CRTC1: variants seen among roughly 807,000 people sequenced by gnomAD.
The protein encoded by CRTC1 is CREB regulated transcription coactivator 1.
In CRTC1, 18 loss-of-function variants were observed where a neutral mutation model predicts 66.1. The observed-to-expected ratio is 0.27, with a 90% CI of 0.19 to 0.40. The LOEUF (loss-of-function observed/expected upper bound fraction) is 0.40, where lower values mean the gene tolerates loss of function less well. Among genes scored for constraint, CRTC1 ranks in the 10% least tolerant of loss-of-function variants. The pLI is 1.00. For synonymous variants in CRTC1, 416 were observed against 398.8 expected (o/e 1.04, Z -0.51); for missense variants, 669 against 887.9 (o/e 0.75, Z 3.13).
chr19:18,765,103 C>G (rs1382946124), intron 8 of CRTC1, among the ~76,000 whole-genome samples: 1 of 152,166 alleles, frequency 6.6e-6, no homozygotes, highest in Non-Finnish European at 1.5e-5. Flanking sequence ...TTGGGCCAGC[C>G]TGGTTACATG....
chr19:18,739,661 A>G (rs974654860), intron 1 of CRTC1, among the ~76,000 whole-genome samples: 2 of 152,102 alleles, frequency 1.3e-5, no homozygotes, highest in African/African-American at 4.8e-5. Flanking sequence ...GGGGACTGTG[A>G]TGTGGCGATG....
chr19:18,717,974 C>T (rs1253493814), intron 1 of CRTC1, among the ~76,000 whole-genome samples: 1 of 152,098 alleles, frequency 6.6e-6, no homozygotes, highest in African/African-American at 2.4e-5. Flanking sequence ...ACGGGGCTGG[C>T]TTTGAATCTT....
intron 10 of CRTC1, among the ~76,000 whole-genome samples, chr19:18,769,139 C>G (rs933176502): frequency 2.6e-5 from 4 of 152,230 alleles, no homozygotes; most frequent in Admixed American, 6.5e-5. Flanking sequence ...GTTCTCAGGG[C>G]CAGGGCGCAG....
intron 1 of CRTC1, among the ~76,000 whole-genome samples, chr19:18,742,491 CCA>C (rs2054132946): frequency 6.6e-6 from 1 of 152,238 alleles, no homozygotes; most frequent in Non-Finnish European, 1.5e-5. Flanking sequence ...CCGATTCAGG[CCA>C]GTGGGAAGCC....
At chr19:18,712,086 G>A (rs758788589) in intron 1 of CRTC1, among the ~76,000 whole-genome samples, 3 of 151,602 alleles carry the variant, frequency 2.0e-5, no homozygotes, top group Non-Finnish European at 2.9e-5. Context: ...GATTACAGGC[G>A]TGTGCCACCA....
At chr19:18,686,962 C>T (rs925824487) in intron 1 of CRTC1, among the ~76,000 whole-genome samples, 1 of 148,492 alleles carries the variant, frequency 6.7e-6, no homozygotes, top group Non-Finnish European at 1.5e-5. Flanking sequence ...ATGGCCCCAT[C>T]GTGTGGAATA....
intron 1 of CRTC1, among the ~76,000 whole-genome samples, chr19:18,734,804 G>A (rs1035411797): frequency 2.0e-5 from 3 of 152,214 alleles, no homozygotes; most frequent in Non-Finnish European, 2.9e-5. Flanking sequence ...GGGAGGGTCC[G>A]TCAGGGCTGG....
intron 12 of CRTC1, 141 bp downstream of exon 12, chr19:18,775,127 C>A: frequency 2.4e-6 from 2 of 817,904 alleles, no homozygotes; most frequent in Non-Finnish European, 1.9e-6. Flanking sequence ...GCCCCTCGGC[C>A]CCCGCCCCGT....
At position 18,745,068 on chromosome 19, in the gene CRTC1, A is replaced by G. The variant is rs566327156; in HGVS notation, c.244-755A>G. On this transcript the variant is annotated intron_variant, in intron 2 of 13. Coordinates refer to ENST00000321949, the MANE Select transcript of CRTC1 (RefSeq NM_015321.3). ...CAGTCAGATGGCAAGTGGGCAACAC[A>G]GGGTCAGGGCGGGCTCCTGGCAGCC... is the stretch of plus-strand genomic sequence containing the variant. Among the ~76,000 whole-genome samples, 437 of 152,278 alleles carry G rather than the reference A, an allele frequency of 2.9e-3. 4 individuals are homozygous for G. Among genetic ancestry groups the G allele is most frequent in the African/African-American group, 1.0e-2 (414 of 41,556 alleles).
chr19:18,758,981 T>C (rs935400136), intron 6 of CRTC1, among the ~76,000 whole-genome samples: 2 of 152,184 alleles, frequency 1.3e-5, no homozygotes, highest in African/African-American at 4.8e-5. Context: ...GCCCCTCTAC[T>C]GTGCTGGCTG....
chr19:18,734,832 C>T (rs2053963714), intron 1 of CRTC1, among the ~76,000 whole-genome samples: 1 of 152,190 alleles, frequency 6.6e-6, no homozygotes, highest in Non-Finnish European at 1.5e-5. Context: ...TGCTACACAG[C>T]AGGTGATCCC....
intron 4 of CRTC1, among the ~76,000 whole-genome samples, chr19:18,748,891 T>C (rs1484081496): frequency 6.6e-6 from 1 of 152,160 alleles, no homozygotes; most frequent in East Asian, 1.9e-4. Context: ...CATTAACTTA[T>C]ATAAAATGAA....
chr19:18,766,513 C>A (rs1002923815), intron 9 of CRTC1, among the ~76,000 whole-genome samples: 1 of 151,976 alleles, frequency 6.6e-6, no homozygotes, highest in Non-Finnish European at 1.5e-5. Flanking sequence ...GTGGCGTGAT[C>A]TTGGTTCATT....
chr19:18,743,655 G>T (rs561916723), intron 2 of CRTC1, among the ~76,000 whole-genome samples: 2 of 152,244 alleles, frequency 1.3e-5, no homozygotes, highest in African/African-American at 4.8e-5. Flanking sequence ...CTACTCTGTG[G>T]CTGAGAAAAC....
chr19:18,763,761 C>T (rs763430423), intron 8 of CRTC1, among the ~76,000 whole-genome samples: 2 of 152,230 alleles, frequency 1.3e-5, no homozygotes, highest in African/African-American at 2.4e-5. Flanking sequence ...TGTCGTCCCA[C>T]ATCCATACCC....
intron 1 of CRTC1, among the ~76,000 whole-genome samples, chr19:18,698,969 G>A (rs1050066522): frequency 6.6e-6 from 1 of 152,056 alleles, no homozygotes; most frequent in African/African-American, 2.4e-5. Flanking sequence ...TATTTAGCAG[G>A]TACTCAGCAG....
intron 1 of CRTC1, among the ~76,000 whole-genome samples, chr19:18,696,447 G>T (rs2052989899): frequency 6.6e-6 from 1 of 152,206 alleles, no homozygotes; most frequent in Non-Finnish European, 1.5e-5. Flanking sequence ...CCATGTATTT[G>T]TGCACAGTGG....
At chr19:18,703,536 G>T (rs1330379819) in intron 1 of CRTC1, among the ~76,000 whole-genome samples, 3 of 152,016 alleles carry the variant, frequency 2.0e-5, no homozygotes, top group Non-Finnish European at 4.4e-5. Context: ...TCAGCTCACT[G>T]CAAGCAACCT....
At chr19:18,714,888 C>T (rs903866891) in intron 1 of CRTC1, among the ~76,000 whole-genome samples, 1 of 152,278 alleles carries the variant, frequency 6.6e-6, no homozygotes, top group Non-Finnish European at 1.5e-5. Flanking sequence ...CCTGCCCCCA[C>T]TGGGCTCTGG....
Sources: gnomAD v4.1 joint callset for allele counts (sites outside exome capture counted in the v4.1 genomes callset) on GRCh38, gnomAD v4.1.1 for gene constraint, MANE v1.5 for transcripts, NCBI Gene and HGNC (gene_info 2026-07-23, HGNC 2026-07-21) for gene names.